Variants in ADAMTS17 observed in about 807,000 individuals in gnomAD.
The protein encoded by ADAMTS17 is A disintegrin and metalloproteinase with thrombospondin motifs 17.
ADAMTS17 carries 113 observed loss-of-function variants against 141.5 expected under a neutral mutation model. That is an observed-to-expected ratio of 0.80 (90% CI 0.69 to 0.93). The LOEUF is 0.93. Ranked by LOEUF, ADAMTS17 falls within the 40% of genes least tolerant of loss-of-function variation. ADAMTS17 has a pLI of 0.00. For synonymous variants in ADAMTS17, 768 were observed against 630.6 expected, an observed-to-expected ratio of 1.22 and a Z score of -3.27; for missense variants, 1,659 against 1,517.9, an observed-to-expected ratio of 1.09 and a Z score of -1.54.
chr15:100,234,272 A>G (rs1188845477), intron 7 of ADAMTS17, among the ~76,000 whole-genome samples: 1 of 152,156 alleles, frequency 6.6e-6, no homozygotes, highest in Non-Finnish European at 1.5e-5. Context: ...AGAGCTAATA[A>G]AACTCGCAGC....
chr15:100,254,630 A>G (rs1011098706), intron 6 of ADAMTS17, among the ~76,000 whole-genome samples: 3 of 152,216 alleles, frequency 2.0e-5, no homozygotes, highest in Admixed American at 1.3e-4. Flanking sequence ...ACAAAAAGTC[A>G]TTTCTAAAAA....
At chr15:100,150,641 C>T (rs1407409157) in intron 10 of ADAMTS17, among the ~76,000 whole-genome samples, 17 of 152,110 alleles carry the variant, frequency 1.1e-4, no homozygotes, top group Non-Finnish European at 2.2e-4. Context: ...AAAATAGCTC[C>T]GGCTCTCATG....
intron 8 of ADAMTS17, chr15:100,168,304 C>T (rs2040028277): frequency 1.3e-5 from 2 of 152,238 alleles, no homozygotes; most frequent in Non-Finnish European, 2.9e-5. Flanking sequence ...AAGAACACAG[C>T]AGAGCTGAAG....
Position 100,255,183 on chromosome 15 carries a change from T to G in ADAMTS17, c.1032-1004A>C, listed in dbSNP as rs549442425. Among the ~76,000 whole-genome samples, 4 of 152,234 alleles carry G rather than the reference T, an allele frequency of 2.6e-5. No individual in the cohort carries two copies. In the East Asian group the frequency reaches 7.7e-4, roughly 29 times the overall value. On this transcript the variant is annotated intron_variant, in intron 6 of 21. Coordinates refer to ENST00000268070, the MANE Select transcript of ADAMTS17 (RefSeq NM_139057.4). ...GAAACCAGGGGTCTAGGCTCTTCTT[T>G]TCTAATACTGGATCATTCCTATGCT...
At position 100,247,864 on chromosome 15, in the gene ADAMTS17, C is replaced by T. The variant is rs377274013; in HGVS notation, c.1075+6272G>A. Reference sequence around the variant, plus strand: ...CCGATGCTTTGTTCCCAAACACCACCGTCCTGGCCAGCAATATCCCCCACC... The same window carrying T: ...CCGATGCTTTGTTCCCAAACACCACTGTCCTGGCCAGCAATATCCCCCACC... On this transcript the variant is annotated intron_variant, in intron 7 of 21. Coordinates refer to ENST00000268070, the MANE Select transcript of ADAMTS17 (RefSeq NM_139057.4). Among the ~76,000 whole-genome samples, 11 of 152,164 alleles carry T rather than the reference C, an allele frequency of 7.2e-5. No homozygotes were observed. The South Asian group carries it at 1.7e-3, about 23-fold the overall frequency.
At chr15:100,287,388 A>T (rs1343451410) in intron 3 of ADAMTS17, among the ~76,000 whole-genome samples, 2 of 152,236 alleles carry the variant, frequency 1.3e-5, no homozygotes, top group East Asian at 3.8e-4. Context: ...GGAATTATGT[A>T]AAGAGACCAA....
At chr15:100,174,662 T>C (rs1236989609) in intron 8 of ADAMTS17, among the ~76,000 whole-genome samples, 1 of 152,224 alleles carries the variant, frequency 6.6e-6, no homozygotes, top group African/African-American at 2.4e-5. Context: ...CGGCATTCAT[T>C]TCACAGGATA....
intron 20 of ADAMTS17, 53 bp from the exon 21 acceptor site, chr15:99,976,275 A>G: frequency 1.3e-6 from 2 of 1,529,230 alleles, no homozygotes; most frequent in Non-Finnish European, 1.8e-6. Context: ...AGGGACTGGG[A>G]TGATGGCCTC....
At position 100,080,206 on chromosome 15, in the gene ADAMTS17, G is replaced by A. The variant is rs181554916; in HGVS notation, c.2137+16150C>T. On this transcript the variant is annotated intron_variant, in intron 15 of 21. Transcript: ENST00000268070. ...TGCTGGCCTGGAGATCTTAGTTCCA[G>A]AGGGAGAAATGCTGCCACCAGGAGA... 9.9e-5 allele frequency among the ~76,000 whole-genome samples: 15 copies of A among 152,262 alleles called. No homozygotes were observed. In the East Asian group the frequency reaches 2.7e-3, roughly 27 times the overall value.
chr15:100,092,535 C>A (rs2035532323), intron 15 of ADAMTS17, among the ~76,000 whole-genome samples: 1 of 152,196 alleles, frequency 6.6e-6, no homozygotes, highest in Non-Finnish European at 1.5e-5. Flanking sequence ...GGTTTATGTG[C>A]ACATTTTACG....
chr15:100,262,252 TG>T, intron 5 of ADAMTS17, 99 bp downstream of exon 5: 1 of 1,069,956 alleles, frequency 9.3e-7, no homozygotes, highest in Non-Finnish European at 1.4e-6. Context: ...TGACGGAGAC[TG>T]GCAACTCCCT....
chr15:100,260,572 T>C (rs2043481524), intron 6 of ADAMTS17, among the ~76,000 whole-genome samples: 1 of 150,838 alleles, frequency 6.6e-6, no homozygotes. Context: ...CAGGATTGCG[T>C]CATACTGCAC....
At chr15:100,217,038 G>A (rs965114425) in intron 7 of ADAMTS17, among the ~76,000 whole-genome samples, 1 of 152,162 alleles carries the variant, frequency 6.6e-6, no homozygotes, top group African/African-American at 2.4e-5. Flanking sequence ...AAGAGGAAGA[G>A]TTGATATTAA....
chr15:100,120,019 G>C (rs1293920851), intron 12 of ADAMTS17, among the ~76,000 whole-genome samples: 4 of 152,192 alleles, frequency 2.6e-5, no homozygotes, highest in Non-Finnish European at 5.9e-5. Flanking sequence ...TCTGGGTTCT[G>C]TGTTCTCAGC....
rs139389538 is a variant in ADAMTS17 at position 100,227,288 on chromosome 15, G to A, written c.1075+26848C>T. Among the ~76,000 whole-genome samples the A allele has an allele frequency of 1.2e-3, 190 of 152,274 alleles. 3 individuals are homozygous for A. The highest frequency in any genetic ancestry group is 4.2e-3 in the African/African-American group (176 of 41,554). ...GTTCACCTCAACCCAAATAACCACT[G>A]TCTGTTCTGCTGGGAGCAAAACTGA... On this transcript the variant is annotated intron_variant, in intron 7 of 21. Transcript: ENST00000268070.
rs546794603 is a variant in ADAMTS17 at position 100,121,104 on chromosome 15, T to C, written c.1722-4091A>G. Among the ~76,000 whole-genome samples, 3 of 152,302 alleles carry C rather than the reference T, an allele frequency of 2.0e-5. No individual in the cohort carries two copies. In the South Asian group the frequency reaches 6.2e-4, roughly 32 times the overall value. On this transcript the variant is annotated intron_variant, in intron 12 of 21. Coordinates refer to ENST00000268070, the MANE Select transcript of ADAMTS17 (RefSeq NM_139057.4). ...AAATCCACCAGTTCAGAGAAGATTT[T>C]AGCAGGCAGAAGAAAGAATTAGCAA...
chr15:100,204,219 C>G (rs2041447187), intron 7 of ADAMTS17, among the ~76,000 whole-genome samples: 1 of 152,228 alleles, frequency 6.6e-6, no homozygotes, highest in Non-Finnish European at 1.5e-5. Flanking sequence ...ACTGTATAAA[C>G]TCTGGTTGAT....
intron 8 of ADAMTS17, among the ~76,000 whole-genome samples, chr15:100,161,923 C>T (rs145636830): frequency 3.5e-3 from 533 of 152,322 alleles, no homozygotes; most frequent in African/African-American, 0.012. Context: ...AAAATGAGCC[C>T]ACCAGCTTTC....
chr15:100,129,542 G>C (rs2037924242), intron 12 of ADAMTS17: 1 of 152,078 alleles, frequency 6.6e-6, no homozygotes, highest in Non-Finnish European at 1.5e-5. Flanking sequence ...TCAGGAGTTT[G>C]AGACCAGCCT....
Sources: allele counts gnomAD v4.1 joint callset (sites outside exome capture counted in the v4.1 genomes callset), GRCh38; gene constraint gnomAD v4.1.1; transcripts MANE v1.5; gene names NCBI Gene and HGNC (gene_info 2026-07-23, HGNC 2026-07-21).